The following FBXW8 variants were observed in gnomAD, a reference collection of about 807,000 sequenced individuals.
FBXW8 encodes the protein F-box/WD repeat-containing protein 8.
In FBXW8, 57 loss-of-function variants were observed where a neutral mutation model predicts 65.3. That is an observed-to-expected ratio of 0.87 (90% CI 0.71 to 1.09). FBXW8 has a LOEUF of 1.09. Among genes scored for constraint, FBXW8 ranks in the 50% least tolerant of loss-of-function variants. FBXW8 has a pLI of 0.00. For synonymous variants in FBXW8, 308 were observed against 330.2 expected (o/e 0.93, Z 0.73); for missense variants, 777 against 814.8 (o/e 0.95, Z 0.57).
At chr12:117,022,851 G>A (rs558210576) in intron 8 of FBXW8, among the ~76,000 whole-genome samples, 58 of 152,256 alleles carry the variant, frequency 3.8e-4, no homozygotes, top group South Asian at 2.1e-3. Flanking sequence ...TTACAGATGT[G>A]TTTTTCATGC....
At chr12:116,922,969 C>CT (rs1881021028) in intron 1 of FBXW8, among the ~76,000 whole-genome samples, 1 of 152,072 alleles carries the variant, frequency 6.6e-6, no homozygotes, top group South Asian at 2.1e-4. Context: ...TCCCAGCACT[C>CT]TGAGAGGCCA....
rs1490402809 is a variant in FBXW8 at position 117,028,040 on chromosome 12, G to C, written c.1665G>C (p.Leu555=). 2 of 1,613,958 alleles carry C rather than the reference G, an allele frequency of 1.2e-6. No individual in the cohort carries two copies. The highest frequency in any genetic ancestry group is 2.7e-5 in the African/African-American group (2 of 74,950). The change falls in exon 11 of 11, where the codon CTG becomes CTC. Residue 555 remains leucine, a synonymous_variant. Transcript: ENST00000652555. This position sits in a 1 kb window ranked among gnomAD's most constrained non-coding sequence, Gnocchi z 4.1. ...GTGCTCTTTCTAGACACCGGGGGCT[G>C]ATCCGCGCCTATGAGTTTGCGGTGG... ...SFTTHRRHRG[L]IRAYEFAVDQ...
intron 3 of FBXW8, among the ~76,000 whole-genome samples, chr12:116,947,044 C>A (rs182244386): frequency 6.6e-6 from 1 of 152,026 alleles, no homozygotes; most frequent in African/African-American, 2.4e-5. Flanking sequence ...TTTTTTGCTT[C>A]CTCTTTGGTG....
chr12:116,938,792 T>G (rs1593060699), intron 2 of FBXW8, among the ~76,000 whole-genome samples: 1 of 152,220 alleles, frequency 6.6e-6, no homozygotes, highest in Non-Finnish European at 1.5e-5. Context: ...TAGCTCATTT[T>G]TGAACACATA....
chr12:116,938,961 G>C (rs1276016568), intron 2 of FBXW8, among the ~76,000 whole-genome samples: 3 of 152,154 alleles, frequency 2.0e-5, no homozygotes, highest in African/African-American at 7.2e-5. Context: ...AAAGGTTTTG[G>C]TTTCATAGGT....
intron 4 of FBXW8, among the ~76,000 whole-genome samples, chr12:116,953,797 A>T (rs1383540666): frequency 1.4e-5 from 2 of 145,414 alleles, no homozygotes; most frequent in Non-Finnish European, 3.0e-5. Flanking sequence ...AAAAAACAAA[A>T]CAAAACAAAC....
At chr12:117,009,066 T>TCAAAAA (rs991873854) in intron 7 of FBXW8, among the ~76,000 whole-genome samples, 3 of 149,618 alleles carry the variant, frequency 2.0e-5, no homozygotes, top group South Asian at 4.2e-4. Context: ...AGACTCAGTC[T>TCAAAAA]CAAAAACAAA....
At chr12:116,935,342 C>T (rs1723520037) in intron 2 of FBXW8, among the ~76,000 whole-genome samples, 1 of 152,136 alleles carries the variant, frequency 6.6e-6, no homozygotes, top group African/African-American at 2.4e-5. Context: ...AATCCAGGTG[C>T]TTATAGCTAA....
chr12:116,949,809 G>A, intron 4 of FBXW8, 103 bp downstream of exon 4: 9 of 1,037,038 alleles, frequency 8.7e-6, no homozygotes, highest in Non-Finnish European at 1.4e-5. Context: ...TTGAGAGCAT[G>A]TACCTCCCTC....
chr12:116,916,511 G>C (rs1472928730), intron 1 of FBXW8, among the ~76,000 whole-genome samples: 5 of 152,202 alleles, frequency 3.3e-5, no homozygotes, highest in Non-Finnish European at 7.3e-5. Context: ...TGCCCTGTAG[G>C]AATGTGGTCC....
At chr12:116,982,994 G>A (rs1885424671) in intron 5 of FBXW8, among the ~76,000 whole-genome samples, 1 of 152,168 alleles carries the variant, frequency 6.6e-6, no homozygotes, top group Admixed American at 6.5e-5. Flanking sequence ...TTTGGACCAA[G>A]TTGTTTAACC....
At position 117,010,506 on chromosome 12, in the gene FBXW8, G is replaced by GC. The variant is rs1157653715; in HGVS notation, c.1367+61dup. 3.0e-5 allele frequency: 49 copies of GC among 1,611,292 alleles called. No homozygotes were observed. In the East Asian group the frequency reaches 9.6e-4, roughly 32 times the overall value. ...GCCCCATGGCTTCTGCCAAGGCCCG[G>GC]CCCCCACTGCGCTGCTCACACTGCC... On this transcript the variant is annotated intron_variant, in intron 8 of 10. Transcript: ENST00000652555.
At chr12:117,021,988 T>C (rs1449043832) in intron 8 of FBXW8, among the ~76,000 whole-genome samples, 3 of 152,218 alleles carry the variant, frequency 2.0e-5, no homozygotes, top group African/African-American at 7.2e-5. Flanking sequence ...ATATGTAGTT[T>C]TCTTTGATCA....
chr12:117,027,140 T>C (rs573462431), intron 9 of FBXW8, among the ~76,000 whole-genome samples: 35 of 152,294 alleles, frequency 2.3e-4, no homozygotes, highest in African/African-American at 8.4e-4. Flanking sequence ...TACCAGGTTG[T>C]GGGGGCAGAT....
rs1482415936 is a variant in FBXW8 at position 117,030,551 on chromosome 12, C to G, written c.*2379C>G. ...GCCCCTTCAGTCTGCGTTCCCAGTT[C>G]ATTTTGCAGGCGCATTCGCCCTTCC... On this transcript the variant is annotated 3_prime_UTR_variant, in exon 11 of 11. Coordinates refer to ENST00000652555, the MANE Select transcript of FBXW8 (RefSeq NM_153348.3). The G allele has an allele frequency of 6.6e-6, 1 of 152,214 alleles. No homozygotes were observed. Among genetic ancestry groups the G allele is most frequent in the Non-Finnish European group, 1.5e-5 (1 of 68,048 alleles). The allele number at this position is 152,214 out of a possible 1,614,324, so 9.4% of individuals were successfully genotyped here.
intron 4 of FBXW8, among the ~76,000 whole-genome samples, chr12:116,960,057 T>C (rs142090073): frequency 6.6e-6 from 1 of 152,358 alleles, no homozygotes; most frequent in East Asian, 1.9e-4. Flanking sequence ...GGCATCTTAA[T>C]TGGTTGAGTG....
At chr12:116,917,192 ATTT>A (rs1880497496) in intron 1 of FBXW8, among the ~76,000 whole-genome samples, 1 of 152,200 alleles carries the variant, frequency 6.6e-6, no homozygotes, top group Non-Finnish European at 1.5e-5. Flanking sequence ...AGCTCTTCCA[ATTT>A]TTAATTGTTG....
chr12:116,953,837 C>T (rs537690787), intron 4 of FBXW8, among the ~76,000 whole-genome samples: 17 of 142,430 alleles, frequency 1.2e-4, no homozygotes, highest in African/African-American at 3.1e-4. Flanking sequence ...CAAAACCAGC[C>T]GGGCATGGTG....
At chr12:117,011,127 CTT>C (rs397946872) in intron 8 of FBXW8, among the ~76,000 whole-genome samples, 24 of 122,138 alleles carry the variant, frequency 2.0e-4, no homozygotes, top group African/African-American at 4.3e-4. Flanking sequence ...TTTTCTTTTC[CTT>C]TTTTTTTTTT....
Sources: allele counts gnomAD v4.1 joint callset (sites outside exome capture counted in the v4.1 genomes callset), GRCh38; gene constraint gnomAD v4.1.1; non-coding constraint Gnocchi (gnomAD v3.1); transcripts MANE v1.5; gene names NCBI Gene and HGNC (gene_info 2026-07-23, HGNC 2026-07-21).